Variants in MEPE observed in about 807,000 individuals in gnomAD.
MEPE encodes matrix extracellular phosphoglycoprotein, also known as matrix, extracellular phosphoglycoprotein with ASARM motif (bone).
A neutral mutation model predicts 7.3 loss-of-function variants in MEPE; 7 were observed. The ratio of observed to expected loss-of-function variants is 0.95; its 90% confidence interval spans 0.54 to 1.79. The LOEUF is 1.79. MEPE is among the 40% of genes most tolerant of loss of function. The pLI is 0.00. For synonymous variants in MEPE, 214 were observed against 213.1 expected (o/e 1.00, Z -0.04); for missense variants, 623 against 628.2 (o/e 0.99, Z 0.09).
At chr4:87,833,510 T>C (rs1218769049) in intron 1 of MEPE, among the ~76,000 whole-genome samples, 1 of 152,190 alleles carries the variant, frequency 6.6e-6, no homozygotes, top group Non-Finnish European at 1.5e-5. Context: ...GATTTTAGAA[T>C]ATATTTAATA....
chr4:87,834,855 G>C, intron 2 of MEPE, 87 bp downstream of exon 2: 1 of 1,099,958 alleles, frequency 9.1e-7, no homozygotes, highest in Non-Finnish European at 1.4e-6. Context: ...ATTTAAATTA[G>C]TAGCATCTAC....
At position 87,838,750 on chromosome 4, in the gene MEPE, A is replaced by G. The variant is rs545031162; in HGVS notation, c.108+65A>G. ...TCTATAAAGAAAAAGTCAGTAAGAG[A>G]AAAGTGTAACTGTCAAAATAGTCTT... On this transcript the variant is annotated intron_variant, in intron 3 of 3. Transcript: ENST00000361056. 1,335 of 1,445,642 alleles carry G rather than the reference A, an allele frequency of 9.2e-4. 10 individuals carry two copies. In the Middle Eastern group the frequency reaches 0.012, roughly 13 times the overall value. The allele number at this position is 1,445,642 out of a possible 1,614,324, so 89.6% of individuals were successfully genotyped here.
At chr4:87,826,195 A>G (rs1247455538) in intron 1 of MEPE, among the ~76,000 whole-genome samples, 3 of 151,154 alleles carry the variant, frequency 2.0e-5, no homozygotes, top group African/African-American at 7.3e-5. Flanking sequence ...ATGTTTCTTT[A>G]TAATAGAATG....
chr4:87,839,607 C>T (rs1722933037), intron 3 of MEPE: 1 of 984,534 alleles, frequency 1.0e-6, no homozygotes, highest in African/African-American at 1.7e-5. Flanking sequence ...TTTAAAGTTT[C>T]TTATATTATT....
chr4:87,834,404 CTGA>C (rs1426996875), intron 1 of MEPE, among the ~76,000 whole-genome samples: 2 of 152,176 alleles, frequency 1.3e-5, no homozygotes, highest in Non-Finnish European at 2.9e-5. Context: ...GGAAGAAGAG[CTGA>C]TGATAGAGCA....
At chr4:87,844,828 C>A in intron 3 of MEPE, 149 bp from the exon 4 acceptor site, 1 of 574,578 alleles carries the variant, frequency 1.7e-6, no homozygotes, top group Non-Finnish European at 2.8e-6. Flanking sequence ...TTTGACCATT[C>A]TAGAATGACC....
chr4:87,826,754 C>T (rs1722480610), intron 1 of MEPE, among the ~76,000 whole-genome samples: 1 of 152,068 alleles, frequency 6.6e-6, no homozygotes, highest in Non-Finnish European at 1.5e-5. Flanking sequence ...GGATGTTGAG[C>T]TTTTTTTCAC....
chr4:87,823,016 C>A (rs1262316070), intron 1 of MEPE, among the ~76,000 whole-genome samples: 1 of 152,208 alleles, frequency 6.6e-6, no homozygotes. Context: ...CCCTGAATAC[C>A]TCTTCCAGAT....
chr4:87,833,374 C>T (rs1722652682), intron 1 of MEPE, among the ~76,000 whole-genome samples: 2 of 152,132 alleles, frequency 1.3e-5, no homozygotes, highest in East Asian at 3.8e-4. Context: ...GATATTTCTA[C>T]TGATGAGCAT....
upstream of MEPE, among the ~76,000 whole-genome samples, chr4:87,828,392 G>A (rs34465415): frequency 0.17 from 25,812 of 152,158 alleles, 2,459 homozygotes; most frequent in Non-Finnish European, 0.23. Context: ...AGTGTATTGT[G>A]TGAGTCTGTC....
In MEPE at chr4:87,846,159, G is replaced by A. The variant is rs373312602; in HGVS notation, c.1291G>A (p.Gly431Ser). 3.1e-6 allele frequency: 5 copies of A among 1,613,748 alleles called. No individual in the cohort carries two copies. In the African/African-American group the frequency reaches 5.3e-5, roughly 17 times the overall value. ...TGAAAAACAAAGGTTTCCTAGTAAGGGCAAAAGTCAGGGCCTGCCCATTCC... is the reference window on the plus strand; with the variant it reads ...TGAAAAACAAAGGTTTCCTAGTAAGAGCAAAAGTCAGGGCCTGCCCATTCC... The part of the protein sequence containing the change: ...LNEKQRFPSK[G>S]KSQGLPIPSR... The change falls in exon 4 of 4, where the codon GGC (glycine) becomes AGC (serine). Residue 431 changes from glycine to serine, a missense_variant. Transcript: ENST00000361056.
In MEPE at chr4:87,845,716, C is replaced by G. The variant is rs967106700; in HGVS notation, c.848C>G (p.Thr283Arg). The G allele has an allele frequency of 2.5e-6, 4 of 1,613,760 alleles. No homozygotes were observed. Among genetic ancestry groups the G allele is most frequent in the Non-Finnish European group, 3.4e-6 (4 of 1,179,878 alleles). ...GACCTAGAAGGCAAAGATATTCAAA[C>G]AGGGTTTGCAGGCCCAAGTGAAGCT... is the stretch of plus-strand genomic sequence containing the variant. Reference protein sequence around the residue: ...GPDLEGKDIQTGFAGPSEAES... With the variant: ...GPDLEGKDIQRGFAGPSEAES... Residue 283 changes from threonine (T) to arginine (R), a missense_variant, in exon 4 of 4, where the codon ACA (threonine) becomes AGA (arginine). By Grantham distance (71) the Thr-to-Arg change is moderately conservative. Transcript: ENST00000361056.
At chr4:87,842,257 C>T (rs1723042295) in intron 3 of MEPE, among the ~76,000 whole-genome samples, 1 of 152,098 alleles carries the variant, frequency 6.6e-6, no homozygotes, top group Non-Finnish European at 1.5e-5. Flanking sequence ...CCTGGCTTCC[C>T]TGCGTTTGGT....
Position 87,839,914 on chromosome 4 carries a change from C to T in MEPE, c.108+1229C>T, listed in dbSNP as rs1722949501. 5.2e-6 allele frequency: 8 copies of T among 1,537,422 alleles called. No individual in the cohort carries two copies. The Admixed American group carries it at 1.4e-4, about 26-fold the overall frequency. ...TTATGGCTGGCACTTTTGTCCCTTCCCTCCCTCCCCAGGCTCCTCAAGCCT... is the reference window on the plus strand; with the variant it reads ...TTATGGCTGGCACTTTTGTCCCTTCTCTCCCTCCCCAGGCTCCTCAAGCCT... On this transcript the variant is annotated intron_variant, in intron 3 of 3. Transcript: ENST00000361056.
At chr4:87,843,371 T>C (rs1476080306) in intron 3 of MEPE, among the ~76,000 whole-genome samples, 2 of 152,168 alleles carry the variant, frequency 1.3e-5, no homozygotes, top group African/African-American at 2.4e-5. Flanking sequence ...GGATATGATG[T>C]CTCTGCCTCA....
intron 3 of MEPE, among the ~76,000 whole-genome samples, chr4:87,841,496 T>C (rs962153970): frequency 4.6e-5 from 7 of 152,240 alleles, no homozygotes; most frequent in African/African-American, 1.7e-4. Context: ...TTTCAAATTA[T>C]ATTTTACAAA....
At chr4:87,844,260 C>T (rs1047419612) in intron 3 of MEPE, among the ~76,000 whole-genome samples, 1 of 152,150 alleles carries the variant, frequency 6.6e-6, no homozygotes, top group Non-Finnish European at 1.5e-5. Flanking sequence ...TTCTTCCTGA[C>T]CACATTGTTC....
At chr4:87,839,452 C>T (rs1722925540) in intron 3 of MEPE, among the ~76,000 whole-genome samples, 1 of 152,120 alleles carries the variant, frequency 6.6e-6, no homozygotes, top group Non-Finnish European at 1.5e-5. Context: ...AAGCAGTTGA[C>T]AGGCCCTTAG....
upstream of MEPE, among the ~76,000 whole-genome samples, chr4:87,829,137 T>C (rs1291704167): frequency 6.6e-6 from 1 of 152,146 alleles, no homozygotes; most frequent in Non-Finnish European, 1.5e-5. Context: ...GCATGGAACT[T>C]AGGCAAAGGA....
Sources: gnomAD v4.1 joint callset for allele counts (sites outside exome capture counted in the v4.1 genomes callset) on GRCh38, gnomAD v4.1.1 for gene constraint, MANE v1.5 for transcripts, NCBI Gene and HGNC (gene_info 2026-07-23, HGNC 2026-07-21) for gene names.